The following HADH variants were observed in gnomAD, a reference collection of about 807,000 sequenced individuals.
The protein encoded by HADH is hydroxyacyl-CoA dehydrogenase.
A neutral mutation model predicts 32.2 loss-of-function variants in HADH; 24 were observed. That is an observed-to-expected ratio of 0.75 (90% CI 0.54 to 1.05). The LOEUF is 1.05. Ranked by LOEUF, HADH falls within the 50% of genes least tolerant of loss-of-function variation. HADH has a pLI of 0.00. For synonymous variants in HADH, 139 were observed against 152.5 expected (o/e 0.91, Z 0.65); for missense variants, 350 against 397.1 (o/e 0.88, Z 1.01).
At chr4:108,006,940 A>G (rs1735311062) in intron 1 of HADH, among the ~76,000 whole-genome samples, 1 of 152,216 alleles carries the variant, frequency 6.6e-6, no homozygotes, top group East Asian at 1.9e-4. Flanking sequence ...TCTAAGCCTC[A>G]GTTTTCCTCA....
At chr4:108,010,280 A>C (rs1434148442) in intron 2 of HADH, among the ~76,000 whole-genome samples, 1 of 152,142 alleles carries the variant, frequency 6.6e-6, no homozygotes, top group Non-Finnish European at 1.5e-5. Context: ...TGATATAATA[A>C]ATATGGTATT....
intron 2 of HADH, among the ~76,000 whole-genome samples, chr4:108,011,003 C>A (rs1245351483): frequency 6.6e-6 from 1 of 152,112 alleles, no homozygotes; most frequent in East Asian, 1.9e-4. Flanking sequence ...CGCACGCCAC[C>A]ACGTCCAGCT....
In HADH at chr4:108,034,380, G is replaced by T; in HGVS notation, c.*23G>T. Reference sequence around the variant, plus strand: ...TGATGTGCAGCTTCTCCGGCTCTGAGAAGAACACCTGAGAGCGCTTTCCAG... The same window carrying T: ...TGATGTGCAGCTTCTCCGGCTCTGATAAGAACACCTGAGAGCGCTTTCCAG... On this transcript the variant is annotated 3_prime_UTR_variant, in exon 8 of 8. Coordinates refer to ENST00000309522, the MANE Select transcript of HADH (RefSeq NM_005327.7). 2 of 1,397,530 alleles carry T rather than the reference G, an allele frequency of 1.4e-6. No individual in the cohort carries two copies. Among genetic ancestry groups the T allele is most frequent in the Non-Finnish European group, 2.0e-6 (2 of 982,096 alleles). The allele number at this position is 1,397,530 out of a possible 1,614,324, so 86.6% of individuals were successfully genotyped here.
intron 3 of HADH, among the ~76,000 whole-genome samples, chr4:108,015,329 G>C (rs1239223354): frequency 6.6e-6 from 1 of 152,160 alleles, no homozygotes; most frequent in East Asian, 1.9e-4. Context: ...ATTCTGACTG[G>C]TATCAGGTGC....
chr4:108,015,583 G>A (rs1239655605), intron 3 of HADH, among the ~76,000 whole-genome samples: 4 of 152,080 alleles, frequency 2.6e-5, no homozygotes, highest in African/African-American at 9.7e-5. Flanking sequence ...CTACCCCACA[G>A]CTATTTCAAG....
intron 1 of HADH, among the ~76,000 whole-genome samples, chr4:107,992,535 G>C (rs1036474487): frequency 2.6e-5 from 4 of 152,172 alleles, no homozygotes; most frequent in Non-Finnish European, 5.9e-5. Context: ...AGACGAATTA[G>C]TTGATGTGTT....
intron 1 of HADH, among the ~76,000 whole-genome samples, chr4:107,993,561 GA>G (rs1413540449): frequency 6.6e-6 from 1 of 152,154 alleles, no homozygotes; most frequent in Admixed American, 6.5e-5. Flanking sequence ...TCAGAAGGAT[GA>G]AAAAATATTT....
intron 1 of HADH, among the ~76,000 whole-genome samples, chr4:107,992,044 G>C (rs1354146922): frequency 6.6e-6 from 1 of 152,218 alleles, no homozygotes; most frequent in Non-Finnish European, 1.5e-5. Flanking sequence ...TTAAAAGGCA[G>C]AGGGGCAATA....
intron 5 of HADH, chr4:108,024,847 C>T (rs1736007430): frequency 6.6e-6 from 1 of 152,276 alleles, no homozygotes; most frequent in African/African-American, 2.4e-5. Flanking sequence ...ATTCAGTCTT[C>T]CATCAGAGTG....
intron 1 of HADH, among the ~76,000 whole-genome samples, chr4:107,992,468 CT>C (rs1734843281): frequency 2.0e-5 from 3 of 152,200 alleles, no homozygotes; most frequent in Admixed American, 2.0e-4. Flanking sequence ...ATTCTTTATG[CT>C]CCTTGACCAA....
At chr4:108,023,777 A>G in intron 5 of HADH, 1 of 565,656 alleles carries the variant, frequency 1.8e-6, no homozygotes, top group Middle Eastern at 4.9e-4. Flanking sequence ...CATTATGTGG[A>G]TAGTCTGAGA....
At chr4:108,032,003 TTA>T (rs917376582) in intron 6 of HADH, 8 of 240,436 alleles carry the variant, frequency 3.3e-5, no homozygotes, top group Non-Finnish European at 4.8e-5. Flanking sequence ...GTGGTGTATT[TTA>T]GTCACCTTAA....
At chr4:107,995,420 TA>T (rs1307831480) in intron 1 of HADH, among the ~76,000 whole-genome samples, 3 of 152,220 alleles carry the variant, frequency 2.0e-5, no homozygotes, top group African/African-American at 7.2e-5. Context: ...TGCTTTCACA[TA>T]GACCCATCAG....
At chr4:108,032,608 G>C (rs1736309697) in intron 6 of HADH, 1 of 444,946 alleles carries the variant, frequency 2.2e-6, no homozygotes, top group Non-Finnish European at 4.1e-6. Flanking sequence ...TTTGAAAGTA[G>C]CTGAAGTTTC....
intron 3 of HADH, among the ~76,000 whole-genome samples, chr4:108,016,124 C>T (rs1735685762): frequency 6.6e-6 from 1 of 152,106 alleles, no homozygotes; most frequent in Non-Finnish European, 1.5e-5. Context: ...TTCTTCCTGG[C>T]AGAATGTACC....
At chr4:107,998,626 A>C (rs753425037) in intron 1 of HADH, among the ~76,000 whole-genome samples, 1 of 152,170 alleles carries the variant, frequency 6.6e-6, no homozygotes, top group African/African-American at 2.4e-5. Context: ...GGTGAGGCCA[A>C]GAGAAGGGCT....
chr4:108,022,193 G>GTGTA (rs1735910428), intron 4 of HADH, among the ~76,000 whole-genome samples: 3 of 137,212 alleles, frequency 2.2e-5, no homozygotes, highest in African/African-American at 8.9e-5. Context: ...GTGTGTATGT[G>GTGTA]TGTGTGTATG....
rs757528995 is a variant in HADH at position 108,027,724 on chromosome 4, C to G, written c.673C>G (p.Pro225Ala). Residue 225 changes from proline (P) to alanine (A), a missense_variant, in exon 6 of 8, where the codon CCA becomes GCA. Transcript: ENST00000309522. ...GTTTATTGTGAACCGCCTCCTGGTT[C>G]CATACCTCATGGAAGCAATCAGGCT... ...PGFIVNRLLV[P>A]YLMEAIRLYE... The G allele has an allele frequency of 6.2e-7, 1 of 1,611,628 alleles. No individual in the cohort carries two copies. The highest frequency in any genetic ancestry group is 1.1e-5 in the South Asian group (1 of 91,008).
chr4:108,026,331 G>A (rs1278430886), intron 5 of HADH: 3 of 152,148 alleles, frequency 2.0e-5, no homozygotes, highest in Admixed American at 6.5e-5. Flanking sequence ...GAGCCACTGC[G>A]ACTGGCCAGT....
Sources: allele counts gnomAD v4.1 joint callset (sites outside exome capture counted in the v4.1 genomes callset), GRCh38; gene constraint gnomAD v4.1.1; transcripts MANE v1.5; gene names NCBI Gene and HGNC (gene_info 2026-07-23, HGNC 2026-07-21).